GNAQ: variants seen among roughly 807,000 people sequenced by gnomAD.
GNAQ encodes guanine nucleotide-binding protein G(q) subunit alpha.
In GNAQ, 8 loss-of-function variants were observed where a neutral mutation model predicts 43.9. That is an observed-to-expected ratio of 0.18 (90% CI 0.11 to 0.33). The LOEUF (loss-of-function observed/expected upper bound fraction) is 0.33. GNAQ is among the 10% of genes least tolerant of loss of function. The pLI is 1.00. For missense variants in GNAQ, 158 were observed against 450.8 expected, an observed-to-expected ratio of 0.35 and a Z score of 5.88; for synonymous variants, 155 against 170.7, an observed-to-expected ratio of 0.91 and a Z score of 0.71.
At chr9:77,789,236 C>A (rs1225673277) in intron 5 of GNAQ, among the ~76,000 whole-genome samples, 1 of 152,002 alleles carries the variant, frequency 6.6e-6, no homozygotes, top group Non-Finnish European at 1.5e-5. Flanking sequence ...TAACATATAA[C>A]CATAAAAATA....
intron 1 of GNAQ, among the ~76,000 whole-genome samples, chr9:78,006,787 G>C (rs1041184524): frequency 3.9e-5 from 6 of 152,202 alleles, no homozygotes; most frequent in Non-Finnish European, 8.8e-5. Flanking sequence ...GCAATGTAAT[G>C]CACAATTTTC....
chr9:78,001,402 C>CA (rs563693855), intron 1 of GNAQ, among the ~76,000 whole-genome samples: 153 of 144,822 alleles, frequency 1.1e-3, no homozygotes, highest in South Asian at 4.2e-3. Flanking sequence ...CACTCCATCT[C>CA]AAAAAAAAAA....
At chr9:77,849,381 A>G (rs938197840) in intron 2 of GNAQ, among the ~76,000 whole-genome samples, 1 of 152,132 alleles carries the variant, frequency 6.6e-6, no homozygotes, top group Admixed American at 6.5e-5. Context: ...GCCACAGACA[A>G]TATCGAGACA....
chr9:77,972,809 C>A (rs112369719), intron 1 of GNAQ, among the ~76,000 whole-genome samples: 1 of 151,648 alleles, frequency 6.6e-6, no homozygotes, highest in Non-Finnish European at 1.5e-5. Context: ...AAAAATTAGC[C>A]GGGCGTGGTG....
intron 2 of GNAQ, among the ~76,000 whole-genome samples, chr9:77,915,245 T>C (rs1828879360): frequency 1.3e-5 from 2 of 152,236 alleles, no homozygotes; most frequent in Admixed American, 1.3e-4. Context: ...GTATCCCATT[T>C]CAATGACTGT....
intron 1 of GNAQ, among the ~76,000 whole-genome samples, chr9:77,968,714 T>C (rs1356154420): frequency 6.6e-6 from 1 of 152,252 alleles, no homozygotes; most frequent in East Asian, 1.9e-4. Context: ...AAATTAATTT[T>C]CGTAAGTGTA....
At chr9:77,987,827 TC>T (rs1171629570) in intron 1 of GNAQ, among the ~76,000 whole-genome samples, 3 of 152,010 alleles carry the variant, frequency 2.0e-5, no homozygotes, top group Non-Finnish European at 4.4e-5. Context: ...GCCCAGACAT[TC>T]AAGTCCAGTG....
chr9:77,995,512 C>T (rs1025881351), intron 1 of GNAQ, among the ~76,000 whole-genome samples: 3 of 151,956 alleles, frequency 2.0e-5, no homozygotes, highest in Non-Finnish European at 4.4e-5. Flanking sequence ...TTTTTCCTTC[C>T]AGACAGGGTG....
chr9:77,910,043 A>G (rs546465757), intron 2 of GNAQ, among the ~76,000 whole-genome samples: 27 of 152,292 alleles, frequency 1.8e-4, no homozygotes, highest in Admixed American at 1.2e-3. Flanking sequence ...AGGTGTAAGT[A>G]ATTTAGGGCA....
At chr9:77,745,616 A>C (rs1362201276) in intron 5 of GNAQ, among the ~76,000 whole-genome samples, 14 of 152,122 alleles carry the variant, frequency 9.2e-5, no homozygotes, top group South Asian at 6.2e-4. Flanking sequence ...ACACACAAAA[A>C]AAAAATCTAT....
intron 1 of GNAQ, among the ~76,000 whole-genome samples, chr9:78,025,843 A>T (rs774186842): frequency 6.6e-6 from 1 of 152,194 alleles, no homozygotes; most frequent in Non-Finnish European, 1.5e-5. Context: ...AACCTTCCTT[A>T]GAGAATCTTG....
chr9:77,759,793 G>A (rs1267051420), intron 5 of GNAQ, among the ~76,000 whole-genome samples: 1 of 152,138 alleles, frequency 6.6e-6, no homozygotes, highest in Admixed American at 6.5e-5. Flanking sequence ...ATCTCCAAAA[G>A]GCTCAGTTTT....
At position 77,922,194 on chromosome 9, in the gene GNAQ, T is replaced by C. The variant is rs777679970; in HGVS notation, c.288A>G (p.Thr96=). 1.2e-5 allele frequency: 19 copies of C among 1,613,542 alleles called. No homozygotes were observed. Among genetic ancestry groups the C allele is most frequent in the South Asian group, 8.8e-5 (8 of 91,066 alleles). Residue 96 remains threonine, a synonymous_variant, in exon 2 of 7, where the codon ACA becomes ACG. Transcript: ENST00000286548. ...GCTCATACTTGTATGGGATCTTGAG[T>C]GTGTCCATGGCTCTGATCATGGCCT... is the stretch of plus-strand genomic sequence containing the variant. The part of the protein sequence containing the change: ...AMQAMIRAMD[T]LKIPYKYEHN...
chr9:77,882,238 T>C (rs925889444), intron 2 of GNAQ, among the ~76,000 whole-genome samples: 1 of 152,180 alleles, frequency 6.6e-6, no homozygotes, highest in Non-Finnish European at 1.5e-5. Flanking sequence ...CCTGCTGATA[T>C]ATGAGTTGAT....
chr9:77,762,195 C>A (rs1250910270), intron 5 of GNAQ, among the ~76,000 whole-genome samples: 1 of 137,818 alleles, frequency 7.3e-6, no homozygotes, highest in Non-Finnish European at 1.6e-5. Flanking sequence ...GCCACCCCTA[C>A]TGGGAAGTGA....
At chr9:78,012,552 C>T (rs1042517046) in intron 1 of GNAQ, among the ~76,000 whole-genome samples, 4 of 152,070 alleles carry the variant, frequency 2.6e-5, no homozygotes, top group Non-Finnish European at 5.9e-5. Flanking sequence ...AAATATATCA[C>T]CCATGGACCC....
intron 2 of GNAQ, among the ~76,000 whole-genome samples, chr9:77,887,611 G>A (rs1021849740): frequency 2.0e-5 from 3 of 152,190 alleles, no homozygotes; most frequent in African/African-American, 7.2e-5. Context: ...CACTATTAGT[G>A]AACTTCCAGC....
rs142268605 is a variant in GNAQ, at chr9:77,847,036, G to A, written c.322-31266C>T. Among the ~76,000 whole-genome samples, 965 of 152,252 alleles carry A rather than the reference G, an allele frequency of 6.3e-3. 7 individuals are homozygous for A. The highest frequency in any genetic ancestry group is 0.015 in the South Asian group (71 of 4,826). On this transcript the variant is annotated intron_variant, in intron 2 of 6. Transcript: ENST00000286548. Reference sequence around the variant, plus strand: ...ACTTCGAACTTCCTGAACTGTGGTCGCTGAGATAGCATCAATGCCAGATTA... The same window carrying A: ...ACTTCGAACTTCCTGAACTGTGGTCACTGAGATAGCATCAATGCCAGATTA...
chr9:77,794,653 A>T, intron 4 of GNAQ, 61 bp from the exon 5 acceptor site: 1 of 978,744 alleles, frequency 1.0e-6, no homozygotes, highest in South Asian at 1.7e-5. Context: ...AGTCAACATA[A>T]ATATAGCACT....
Sources: gnomAD v4.1 joint callset for allele counts (sites outside exome capture counted in the v4.1 genomes callset) on GRCh38, gnomAD v4.1.1 for gene constraint, MANE v1.5 for transcripts, NCBI Gene and HGNC (gene_info 2026-07-23, HGNC 2026-07-21) for gene names.